JRKL: variants seen among roughly 807,000 people sequenced by gnomAD.
JRKL encodes the protein jerky protein homolog-like.
A neutral mutation model predicts 34.7 loss-of-function variants in JRKL; 25 were observed. The observed-to-expected ratio is 0.72, with a 90% CI of 0.53 to 1.01. The LOEUF is 1.01. Ranked by LOEUF, JRKL falls within the 50% of genes least tolerant of loss-of-function variation. JRKL has a pLI of 0.00. For synonymous variants in JRKL, 204 were observed against 212.8 expected (o/e 0.96, Z 0.36); for missense variants, 495 against 615.7 (o/e 0.80, Z 2.07).
At chr11:96,390,240 C>T (rs1866484720) in intron 1 of JRKL, among the ~76,000 whole-genome samples, 167 bp downstream of exon 1, 1 of 152,092 alleles carries the variant, frequency 6.6e-6, no homozygotes, top group South Asian at 2.1e-4. Flanking sequence ...CTAGGCTCTT[C>T]GGCTCTCTGT....
Position 96,393,388 on chromosome 11 carries a change from A to G in JRKL, c.*1164A>G, listed in dbSNP as rs1866573820. ...ATTAATCTGCTAAAATGTAATCTAA[A>G]TCAGAATTTTGATAAATTTTTTTTG... On this transcript the variant is annotated 3_prime_UTR_variant, in exon 2 of 2. Coordinates refer to ENST00000332349, the MANE Select transcript of JRKL (RefSeq NM_001261833.2). 6.0e-6 allele frequency: 1 copy of G among 166,924 alleles called. No homozygotes were observed. The highest frequency in any genetic ancestry group is 1.5e-5 in the Non-Finnish European group (1 of 68,032). The allele number at this position is 166,924 out of a possible 1,614,324, so 10.3% of individuals were successfully genotyped here. A position where few individuals can be genotyped will look rare whatever the true frequency, so the allele number is the denominator to read the frequency against.
rs762279754 is a variant in JRKL at position 96,392,011 on chromosome 11, A to T, written c.1362A>T (p.Gln454His). 8 of 1,613,966 alleles carry T rather than the reference A, an allele frequency of 5.0e-6. No individual in the cohort carries two copies. In the Admixed American group the frequency reaches 1.3e-4, roughly 27 times the overall value. The stretch of plus-strand genomic sequence containing the variant: ...ATAGCGAAATCATCAGAAGAGCACA[A>T]GGCCAGGCAGATGAATCCAGTGAAA... Reference protein sequence around the residue: ...LTDSEIIRRAQGQADESSENE... With the variant: ...LTDSEIIRRAHGQADESSENE... Residue 454 changes from glutamine (Q) to histidine (H), a missense_variant, in exon 2 of 2, where the codon CAA (glutamine) becomes CAT (histidine). Coordinates refer to ENST00000332349, the MANE Select transcript of JRKL (RefSeq NM_001261833.2).
chr11:96,391,212 C>A lies in JRKL; in HGVS notation c.563C>A (p.Ser188Tyr). The A allele has an allele frequency of 1.3e-6, 2 of 1,553,614 alleles. No individual in the cohort carries two copies. The highest frequency in any genetic ancestry group is 1.7e-6 in the Non-Finnish European group (2 of 1,147,708). Residue 188 changes from serine to tyrosine, a missense_variant, in exon 2 of 2, where the codon TCT becomes TAT. Transcript: ENST00000332349. ...GGACTCTTTTGGAAGTGCTTGCCTT[C>A]TAGGATTTCAGTAATCAAAGGTAAA... ...ETGLFWKCLP[S>Y]RISVIKGKCT...
Position 96,393,499 on chromosome 11 carries a change from T to G in JRKL, c.*1275T>G, listed in dbSNP as rs3098654. ...ACTTGTAATTTAAAAGTAAAGTGTTTCCATGCTATTTCATGTTTTGGCCAA... is the reference window on the plus strand; with the variant it reads ...ACTTGTAATTTAAAAGTAAAGTGTTGCCATGCTATTTCATGTTTTGGCCAA... On this transcript the variant is annotated 3_prime_UTR_variant, in exon 2 of 2. Coordinates refer to ENST00000332349, the MANE Select transcript of JRKL (RefSeq NM_001261833.2). Among the ~76,000 whole-genome samples the G allele has an allele frequency of 6.6e-6, 1 of 152,138 alleles. No homozygotes were observed. Among genetic ancestry groups the G allele is most frequent in the Non-Finnish European group, 1.5e-5 (1 of 67,986 alleles).
intron 1 of JRKL, 67 bp from the exon 2 acceptor site, chr11:96,390,416 A>G (rs1176755549): frequency 2.3e-6 from 1 of 431,714 alleles, no homozygotes; most frequent in Non-Finnish European, 4.1e-6. Flanking sequence ...GGCCTCCGCT[A>G]CTGCCCGTAT....
Position 96,392,171 on chromosome 11 carries a change from A to G in JRKL, c.1522A>G (p.Lys508Glu). Residue 508 changes from lysine to glutamate, a missense_variant, in exon 2 of 2, where the codon AAA (lysine) becomes GAA (glutamate). Coordinates refer to ENST00000332349, the MANE Select transcript of JRKL (RefSeq NM_001261833.2). The stretch of plus-strand genomic sequence containing the variant: ...TCTACCTGATAGACTGGTAATACGT[A>G]AACTTCGAGCCACCATCAGAAATAA... Reference protein sequence around the residue: ...MILPDRLVIRKLRATIRNKQK... With the variant: ...MILPDRLVIRELRATIRNKQK... The G allele has an allele frequency of 6.2e-7, 1 of 1,603,980 alleles. No individual in the cohort carries two copies. Among genetic ancestry groups the G allele is most frequent in the Non-Finnish European group, 8.5e-7 (1 of 1,176,552 alleles).
At position 96,390,891 on chromosome 11, in the gene JRKL, G is replaced by T. The variant is rs1160571190; in HGVS notation, c.242G>T (p.Arg81Met). Residue 81 changes from arginine to methionine, a missense_variant, in exon 2 of 2, where the codon AGG (arginine) becomes ATG (methionine). Arg to Met is a moderately conservative substitution (Grantham distance 91, BLOSUM62 -1). Coordinates refer to ENST00000332349, the MANE Select transcript of JRKL (RefSeq NM_001261833.2). ...MKPSMYEELDRAMLEWFNQQR... is the reference protein window; with the variant it reads ...MKPSMYEELDMAMLEWFNQQR... ...CCATCCATGTATGAGGAATTGGACAGGGCAATGCTGGAATGGTTCAACCAG... is the reference window on the plus strand; with the variant it reads ...CCATCCATGTATGAGGAATTGGACATGGCAATGCTGGAATGGTTCAACCAG... The T allele has an allele frequency of 6.2e-7, 1 of 1,614,078 alleles. No homozygotes were observed. Among genetic ancestry groups the T allele is most frequent in the Non-Finnish European group, 8.5e-7 (1 of 1,180,044 alleles).
At position 96,391,393 on chromosome 11, in the gene JRKL, T is replaced by G; in HGVS notation, c.744T>G (p.Ser248=). Residue 248 remains serine, a synonymous_variant, in exon 2 of 2, where the codon TCT becomes TCG. Transcript: ENST00000332349. ...CTGACACCTTAAACCTGCCAGTCTC[T>G]TATTTCAGCCAAAAAGGTGCATGGA... ...KSTDTLNLPV[S]YFSQKGAWMD... The G allele has an allele frequency of 6.4e-7, 1 of 1,551,740 alleles. No homozygotes were observed. The highest frequency in any genetic ancestry group is 8.7e-7 in the Non-Finnish European group (1 of 1,147,000).
rs1479200201 is a variant in JRKL, at chr11:96,391,136, A to G, written c.487A>G (p.Ile163Val). The G allele has an allele frequency of 6.2e-7, 1 of 1,607,280 alleles. No homozygotes were observed. Among genetic ancestry groups the G allele is most frequent in the South Asian group, 1.1e-5 (1 of 90,392 alleles). The change falls in exon 2 of 2, where the codon ATT becomes GTT. Residue 163 changes from isoleucine to valine, a missense_variant. Coordinates refer to ENST00000332349, the MANE Select transcript of JRKL (RefSeq NM_001261833.2). ...TTTTTGTAATAACTTTCGAGATTTT[A>G]TTGAACGAGAGAATTTACAGCCTGA... is the stretch of plus-strand genomic sequence containing the variant. Reference protein sequence around the residue: ...EDFCNNFRDFIERENLQPEQI... With the variant: ...EDFCNNFRDFVERENLQPEQI...
Position 96,390,538 on chromosome 11 carries a change from T to G in JRKL, c.-112T>G. ...GGGATCAGGGCCACCAGGTTGCTGG[T>G]AAGGATGAAAGACTGAGTGTGTTAA... On this transcript the variant is annotated 5_prime_UTR_variant, in exon 2 of 2. Coordinates refer to ENST00000332349, the MANE Select transcript of JRKL (RefSeq NM_001261833.2). 3 of 1,384,078 alleles carry G rather than the reference T, an allele frequency of 2.2e-6. No individual in the cohort carries two copies. The highest frequency in any genetic ancestry group is 2.9e-6 in the Non-Finnish European group (3 of 1,041,992). The allele number at this position is 1,384,078 out of a possible 1,614,324, so 85.7% of individuals were successfully genotyped here.
chr11:96,391,720 G>A lies in JRKL; in HGVS notation c.1071G>A (p.Trp357Ter). ...AAGGTAATGACCTGAAATCATTCTGGAAGAAGCTAACTCTGTTGGATGCAC... is the reference window on the plus strand; with the variant it reads ...AAGGTAATGACCTGAAATCATTCTGAAAGAAGCTAACTCTGTTGGATGCAC... Reference protein sequence around the residue: ...LEEGNDLKSFWKKLTLLDALY... With the variant: ...LEEGNDLKSF The change falls in exon 2 of 2, where the codon TGG (tryptophan) becomes TGA (stop). Residue 357 changes from tryptophan to a stop codon, truncating the protein, a stop_gained. Coordinates refer to ENST00000332349, the MANE Select transcript of JRKL (RefSeq NM_001261833.2). LOFTEE classifies it high-confidence loss of function. 1 of 1,614,154 alleles carries A rather than the reference G, an allele frequency of 6.2e-7. No homozygotes were observed. Among genetic ancestry groups the A allele is most frequent in the East Asian group, 2.2e-5 (1 of 44,886 alleles).
chr11:96,391,012 C>T lies in JRKL; in HGVS notation c.363C>T (p.Pro121=), dbSNP rs1866518148. The T allele has an allele frequency of 2.5e-6, 4 of 1,614,080 alleles. No individual in the cohort carries two copies. Among genetic ancestry groups the T allele is most frequent in the Non-Finnish European group, 3.4e-6 (4 of 1,180,040 alleles). ...YALGMDGDFN[P]SAGWLTRFKQ... ...TGGGAATGGATGGTGATTTTAACCC[C>T]TCTGCCGGTTGGCTAACTCGTTTTA... Residue 121 remains proline (P), a synonymous_variant, in exon 2 of 2, where the codon CCC becomes CCT. Transcript: ENST00000332349.
chr11:96,390,029 C>G lies in JRKL; in HGVS notation c.-212C>G, dbSNP rs1866473596. ...AGCGTGGCTAGGGGCGGAGCGACTG[C>G]CGCGCGATAGTCAGGGAGCTGTGCG... On this transcript the variant is annotated 5_prime_UTR_variant, in exon 1 of 2. Transcript: ENST00000332349. 1 of 152,506 alleles carries G rather than the reference C, an allele frequency of 6.6e-6. No homozygotes were observed. The highest frequency in any genetic ancestry group is 2.1e-4 in the South Asian group (1 of 4,838). The allele number at this position is 152,506 out of a possible 1,614,324, so 9.4% of individuals were successfully genotyped here.
intron 1 of JRKL, 72 bp from the exon 2 acceptor site, chr11:96,390,411 C>T (rs1866492858): frequency 2.4e-6 from 1 of 415,122 alleles, no homozygotes; most frequent in African/African-American, 2.0e-5. Context: ...CATGGGGCCT[C>T]CGCTACTGCC....
rs1248877739 is a variant in JRKL, at chr11:96,391,367, A to G, written c.718A>G (p.Thr240Ala). 6 of 1,551,544 alleles carry G rather than the reference A, an allele frequency of 3.9e-6. No homozygotes were observed. The highest frequency in any genetic ancestry group is 2.0e-5 in the Admixed American group (1 of 50,982). ...KAKKPRSFKS[T>A]DTLNLPVSYF... ...AAAGAAACCTCGCTCCTTTAAATCA[A>G]CTGACACCTTAAACCTGCCAGTCTC... is the stretch of plus-strand genomic sequence containing the variant. Residue 240 changes from threonine (T) to alanine (A), a missense_variant, in exon 2 of 2, where the codon ACT becomes GCT. By Grantham distance (58) the Thr-to-Ala change is moderately conservative. Coordinates refer to ENST00000332349, the MANE Select transcript of JRKL (RefSeq NM_001261833.2).
At position 96,391,103 on chromosome 11, in the gene JRKL, G is replaced by A; in HGVS notation, c.454G>A (p.Val152Met). 2 of 1,614,086 alleles carry A rather than the reference G, an allele frequency of 1.2e-6. No individual in the cohort carries two copies. Among genetic ancestry groups the A allele is most frequent in the Non-Finnish European group, 1.7e-6 (2 of 1,179,998 alleles). Reference sequence around the variant, plus strand: ...AAGATTAAATGGAGATGAGACTGCGGTGGAAGATTTTTGTAATAACTTTCG... The same window carrying A: ...AAGATTAAATGGAGATGAGACTGCGATGGAAGATTTTTGTAATAACTTTCG... ...NERLNGDETA[V>M]EDFCNNFRDF... is the part of the protein sequence containing the mutation. The change falls in exon 2 of 2, where the codon GTG becomes ATG. Residue 152 changes from valine (V) to methionine (M), a missense_variant. By Grantham distance (21) the Val-to-Met change is conservative. Coordinates refer to ENST00000332349, the MANE Select transcript of JRKL (RefSeq NM_001261833.2).
chr11:96,391,091 G>A lies in JRKL; in HGVS notation c.442G>A (p.Asp148Asn), dbSNP rs1460528301. The A allele has an allele frequency of 1.9e-6, 3 of 1,614,158 alleles. No individual in the cohort carries two copies. The highest frequency in any genetic ancestry group is 2.5e-6 in the Non-Finnish European group (3 of 1,180,032). ...CATTAGAAATGAAAGATTAAATGGA[G>A]ATGAGACTGCGGTGGAAGATTTTTG... ...INIRNERLNG[D>N]ETAVEDFCNN... The change falls in exon 2 of 2, where the codon GAT becomes AAT. Residue 148 changes from aspartate (D) to asparagine (N), a missense_variant. Transcript: ENST00000332349.
Position 96,391,857 on chromosome 11 carries a change from A to G in JRKL, c.1208A>G (p.Glu403Gly). ...AAAGAGAGCCTGGACTTTGATGTTG[A>G]AGATATTTCTGTGGCTACTGTGGCT... ...EEKESLDFDV[E>G]DISVATVAAI... The change falls in exon 2 of 2, where the codon GAA becomes GGA. Residue 403 changes from glutamate (E) to glycine (G), a missense_variant. Coordinates refer to ENST00000332349, the MANE Select transcript of JRKL (RefSeq NM_001261833.2). 6.2e-7 allele frequency: 1 copy of G among 1,614,212 alleles called. No homozygotes were observed.
rs778130555 is a variant in JRKL at position 96,390,794 on chromosome 11, A to G, written c.145A>G (p.Lys49Glu). 1 of 1,613,470 alleles carries G rather than the reference A, an allele frequency of 6.2e-7. No individual in the cohort carries two copies. Among genetic ancestry groups the G allele is most frequent in the Non-Finnish European group, 8.5e-7 (1 of 1,179,872 alleles). The change falls in exon 2 of 2, where the codon AAG (lysine) becomes GAG (glutamate). Residue 49 changes from lysine to glutamate, a missense_variant. Physicochemically the swap from Lys to Glu is moderately conservative, Grantham distance 56 (BLOSUM62 1). Transcript: ENST00000332349. Reference sequence around the variant, plus strand: ...AACAGTTCGGGATATAAGAAAAAATAAGGAAAAGATTATAACTTATGCAAG... The same window carrying G: ...AACAGTTCGGGATATAAGAAAAAATGAGGAAAAGATTATAACTTATGCAAG... Reference protein sequence around the residue: ...ETTVRDIRKNKEKIITYASSS... With the variant: ...ETTVRDIRKNEEKIITYASSS...
Sources: gnomAD v4.1 joint callset for allele counts (sites outside exome capture counted in the v4.1 genomes callset) on GRCh38, gnomAD v4.1.1 for gene constraint, MANE v1.5 for transcripts, NCBI Gene and HGNC (gene_info 2026-07-23, HGNC 2026-07-21) for gene names.